Variants in UBE2V2 observed in about 807,000 individuals in gnomAD.
UBE2V2 encodes ubiquitin-conjugating enzyme E2 variant 2.
In UBE2V2, 9 loss-of-function variants were observed where a neutral mutation model predicts 17.2. That is an observed-to-expected ratio of 0.52 (90% CI 0.32 to 0.91). The LOEUF (loss-of-function observed/expected upper bound fraction) is 0.91. Ranked by LOEUF, UBE2V2 falls within the 40% of genes least tolerant of loss-of-function variation. The probability of loss-of-function intolerance (pLI) is 0.04; values close to 1 mark genes in which losing one functional copy is unlikely to be tolerated. For missense variants in UBE2V2, 133 were observed against 182.6 expected, an observed-to-expected ratio of 0.73 and a Z score of 1.56; for synonymous variants, 61 against 57.5, an observed-to-expected ratio of 1.06 and a Z score of -0.28.
At chr8:48,020,497 A>G (rs1301986144) in intron 1 of UBE2V2, among the ~76,000 whole-genome samples, 1 of 152,170 alleles carries the variant, frequency 6.6e-6, no homozygotes, top group Non-Finnish European at 1.5e-5. Flanking sequence ...ATTTACATTT[A>G]GAGTAATTAT....
At chr8:48,017,343 C>T (rs79733615) in intron 1 of UBE2V2, among the ~76,000 whole-genome samples, 17 of 151,280 alleles carry the variant, frequency 1.1e-4, no homozygotes, top group African/African-American at 3.9e-4. Context: ...ATATAGTTTA[C>T]GAGTATAGTG....
chr8:48,054,396 T>G (rs1478472074), intron 3 of UBE2V2, among the ~76,000 whole-genome samples: 2 of 152,180 alleles, frequency 1.3e-5, no homozygotes, highest in Non-Finnish European at 2.9e-5. Context: ...TGAATGTATA[T>G]TCCCACCAAC....
chr8:48,025,450 G>A (rs1259594710), intron 1 of UBE2V2, among the ~76,000 whole-genome samples: 2 of 145,802 alleles, frequency 1.4e-5, no homozygotes, highest in Non-Finnish European at 3.0e-5. Flanking sequence ...TTTTTTTTTT[G>A]TATTTTAGTA....
At chr8:48,059,314 C>T (rs542756643) in intron 3 of UBE2V2, among the ~76,000 whole-genome samples, 2 of 151,976 alleles carry the variant, frequency 1.3e-5, no homozygotes, top group South Asian at 4.1e-4. Context: ...TAAGCCTGTG[C>T]GCAGCCCTAC....
Position 48,060,669 on chromosome 8 carries a change from C to G in UBE2V2, c.292-13C>G, listed in dbSNP as rs988392433. The G allele has an allele frequency of 1.4e-6, 2 of 1,457,386 alleles. No homozygotes were observed. The highest frequency in any genetic ancestry group is 5.2e-5 in the East Asian group (2 of 38,202). The allele number at this position is 1,457,386 out of a possible 1,614,324, so 90.3% of individuals were successfully genotyped here. On this transcript the variant is annotated splice_polypyrimidine_tract_variant and intron_variant, in intron 3 of 3. Transcript: ENST00000523111. Reference sequence around the variant, plus strand: ...AACTTGCTAGTTAACTGTACTCTTTCCTCCCCTTTCAGGTGGATGCCCGGA... The same window carrying G: ...AACTTGCTAGTTAACTGTACTCTTTGCTCCCCTTTCAGGTGGATGCCCGGA...
chr8:48,059,703 A>C (rs1301092958), intron 3 of UBE2V2, among the ~76,000 whole-genome samples: 1 of 152,166 alleles, frequency 6.6e-6, no homozygotes, highest in African/African-American at 2.4e-5. Flanking sequence ...GAGCCACCGC[A>C]TCCGGCCCAC....
At chr8:48,006,539 A>C (rs1211286699), upstream of UBE2V2, among the ~76,000 whole-genome samples, 3 of 152,176 alleles carry the variant, frequency 2.0e-5, no homozygotes, top group Non-Finnish European at 4.4e-5. Context: ...GAAAATACTC[A>C]ATAAAATACT....
At position 48,063,888 on chromosome 8, in the gene UBE2V2, T is replaced by C. The variant is rs1042132794; in HGVS notation, c.*3060T>C. 3 of 152,240 alleles carry C rather than the reference T, an allele frequency of 2.0e-5. No individual in the cohort carries two copies. The highest frequency in any genetic ancestry group is 4.4e-5 in the Non-Finnish European group (3 of 68,044). The allele number at this position is 152,240 out of a possible 1,614,324, so 9.4% of individuals were successfully genotyped here. On this transcript the variant is annotated 3_prime_UTR_variant, in exon 4 of 4. Coordinates refer to ENST00000523111, the MANE Select transcript of UBE2V2 (RefSeq NM_003350.3). Reference sequence around the variant, plus strand: ...TGTTGATTTTAATGTTAATTCCCACTAAATATATAATATTGATAAATACAT... The same window carrying C: ...TGTTGATTTTAATGTTAATTCCCACCAAATATATAATATTGATAAATACAT...
intron 1 of UBE2V2, among the ~76,000 whole-genome samples, chr8:48,036,415 TATA>T (rs1479320122): frequency 2.0e-5 from 3 of 151,198 alleles, no homozygotes; most frequent in Admixed American, 1.3e-4. Context: ...TGGTATAGAG[TATA>T]ATGATTCTTG....
In UBE2V2 at chr8:48,049,954, C is replaced by T. The variant is rs761603018; in HGVS notation, c.267C>T (p.Asn89=). ...SVRFVTKINM[N]GINNSSGMVD... Reference sequence around the variant, plus strand: ...GATTTGTAACAAAAATTAATATGAACGGAATAAATAATTCCAGTGGGATGG... The same window carrying T: ...GATTTGTAACAAAAATTAATATGAATGGAATAAATAATTCCAGTGGGATGG... Residue 89 remains asparagine, a synonymous_variant, in exon 3 of 4, where the codon AAC becomes AAT. Transcript: ENST00000523111. 3.3e-5 allele frequency: 51 copies of T among 1,561,604 alleles called. 1 individual carries two copies. Among genetic ancestry groups the T allele is most frequent in the South Asian group, 2.3e-4 (19 of 83,060 alleles).
intron 2 of UBE2V2, among the ~76,000 whole-genome samples, 158 bp downstream of exon 2, chr8:48,043,339 T>A (rs2091476919): frequency 6.6e-6 from 1 of 152,232 alleles, no homozygotes; most frequent in African/African-American, 2.4e-5. Context: ...GTGCAGGATA[T>A]AATGCTCGAT....
chr8:48,008,373 C>A, upstream of UBE2V2: 1 of 1,518,114 alleles, frequency 6.6e-7, no homozygotes, highest in Non-Finnish European at 8.8e-7. Flanking sequence ...CGCTGTGACG[C>A]GTGCAGGGCG....
chr8:48,013,087 C>T (rs1335453676), intron 1 of UBE2V2, among the ~76,000 whole-genome samples: 5 of 152,046 alleles, frequency 3.3e-5, no homozygotes, highest in Admixed American at 2.0e-4. Context: ...CCTCATGATC[C>T]GCCCGCCTTG....
At chr8:48,003,633 G>T (rs1418997000), upstream of UBE2V2, among the ~76,000 whole-genome samples, 1 of 152,140 alleles carries the variant, frequency 6.6e-6, no homozygotes, top group African/African-American at 2.4e-5. Context: ...GGGTTAAAAA[G>T]TCAAGTGGAT....
intron 1 of UBE2V2, among the ~76,000 whole-genome samples, chr8:48,038,354 G>A (rs928044109): frequency 3.9e-5 from 6 of 152,032 alleles, no homozygotes; most frequent in African/African-American, 1.2e-4. Context: ...GTCGGACTCC[G>A]TCACCCAAAA....
chr8:48,012,075 A>C (rs1290915745), intron 1 of UBE2V2, among the ~76,000 whole-genome samples: 1 of 152,224 alleles, frequency 6.6e-6, no homozygotes. Context: ...AGGCAAGACT[A>C]GAATCCAGGT....
chr8:48,060,458 C>A (rs1802576811), intron 3 of UBE2V2, among the ~76,000 whole-genome samples: 1 of 151,862 alleles, frequency 6.6e-6, no homozygotes, highest in Non-Finnish European at 1.5e-5. Context: ...TTTCTGATGA[C>A]CAAAGTTCAC....
chr8:48,024,514 G>A (rs1001342317), intron 1 of UBE2V2, among the ~76,000 whole-genome samples: 1 of 151,894 alleles, frequency 6.6e-6, no homozygotes, highest in African/African-American at 2.4e-5. Context: ...AGAATCGCTT[G>A]AACCTGGGAG....
chr8:48,048,000 T>TG (rs1417525831), intron 2 of UBE2V2, among the ~76,000 whole-genome samples: 9 of 151,356 alleles, frequency 5.9e-5, no homozygotes, highest in Non-Finnish European at 1.0e-4. Flanking sequence ...TTTGGGTTTT[T>TG]TTTTTTTTTT....
Sources: allele counts gnomAD v4.1 joint callset (sites outside exome capture counted in the v4.1 genomes callset), GRCh38; gene constraint gnomAD v4.1.1; transcripts MANE v1.5; gene names NCBI Gene and HGNC (gene_info 2026-07-23, HGNC 2026-07-21).